ALDH1L2: variants seen among roughly 807,000 people sequenced by gnomAD.
ALDH1L2 encodes the protein mitochondrial 10-formyltetrahydrofolate dehydrogenase.
A neutral mutation model predicts 111.0 loss-of-function variants in ALDH1L2; 91 were observed. That is an observed-to-expected ratio of 0.82 (90% CI 0.69 to 0.98). The LOEUF (loss-of-function observed/expected upper bound fraction) is 0.98. Ranked by LOEUF, ALDH1L2 falls within the 50% of genes least tolerant of loss-of-function variation. The pLI, the probability that ALDH1L2 is intolerant of heterozygous loss-of-function variation, is 0.00. For synonymous variants in ALDH1L2, 374 were observed against 392.6 expected (o/e 0.95, Z 0.56); for missense variants, 995 against 1,126.8 (o/e 0.88, Z 1.67).
chr12:105,077,803 G>T (rs1009499975), intron 1 of ALDH1L2, among the ~76,000 whole-genome samples: 4 of 150,582 alleles, frequency 2.7e-5, no homozygotes, highest in Non-Finnish European at 5.9e-5. Flanking sequence ...ACAGTGCGAA[G>T]AGTCTGCCCT....
chr12:105,045,821 A>G (rs1234821711), intron 15 of ALDH1L2, among the ~76,000 whole-genome samples: 1 of 89,282 alleles, frequency 1.1e-5, no homozygotes, highest in Admixed American at 1.1e-4. Flanking sequence ...GTAACAAATT[A>G]TAAACTTCTA....
Position 105,032,546 on chromosome 12 carries a change from C to T in ALDH1L2, c.2245-612G>A, listed in dbSNP as rs151122188. ...GAGCCACCGCGCCCAGCTGCAACCT[C>T]GAACTTCTAAGCTCAAGTGATCCTC... On this transcript the variant is annotated intron_variant, in intron 19 of 22. Transcript: ENST00000258494. Among the ~76,000 whole-genome samples, 174 of 152,182 alleles carry T rather than the reference C, an allele frequency of 1.1e-3. 1 individual carries two copies. The highest frequency in any genetic ancestry group is 7.7e-3 in the East Asian group (40 of 5,164).
intron 10 of ALDH1L2, among the ~76,000 whole-genome samples, chr12:105,053,598 T>C (rs1408872003): frequency 1.3e-5 from 2 of 152,196 alleles, no homozygotes; most frequent in African/African-American, 4.8e-5. Flanking sequence ...AGAGAGGAAT[T>C]GTCAGTGCTT....
rs532409704 is a variant in ALDH1L2 at position 105,070,741 on chromosome 12, T to G, written c.257A>C (p.Lys86Thr). ...FKLPKWRVKGKTIKEVAEAYR... is the reference protein window; with the variant it reads ...FKLPKWRVKGTTIKEVAEAYR... ...GGCTTCTGCCACTTCTTTGATGGTC[T>G]TGCCCTTGACCCTCCATTTAGGAAG... Residue 86 changes from lysine (K) to threonine (T), a missense_variant, in exon 3 of 23, where the codon AAG becomes ACG. Physicochemically the swap from Lys to Thr is moderately conservative, Grantham distance 78 (BLOSUM62 -1). Transcript: ENST00000258494. 3.1e-6 allele frequency: 5 copies of G among 1,614,208 alleles called. No individual in the cohort carries two copies. Among genetic ancestry groups the G allele is most frequent in the Non-Finnish European group, 4.2e-6 (5 of 1,180,034 alleles).
intron 18 of ALDH1L2, among the ~76,000 whole-genome samples, chr12:105,034,963 G>A (rs1405099850): frequency 5.3e-5 from 8 of 150,546 alleles, no homozygotes; most frequent in East Asian, 3.9e-4. Flanking sequence ...CAGCCTGGGC[G>A]ACAGAGCTAG....
chr12:105,063,407 C>A (rs1009308262), intron 6 of ALDH1L2, among the ~76,000 whole-genome samples: 23 of 151,280 alleles, frequency 1.5e-4, no homozygotes, highest in African/African-American at 5.3e-4. Flanking sequence ...ACCCGGGAGG[C>A]GGAGCTTGCA....
chr12:105,051,067 A>G (rs553101356), intron 12 of ALDH1L2, among the ~76,000 whole-genome samples: 1 of 152,296 alleles, frequency 6.6e-6, no homozygotes, highest in South Asian at 2.1e-4. Flanking sequence ...CTGATTTATA[A>G]TATTCTTCCC....
intron 12 of ALDH1L2, chr12:105,050,844 C>T: frequency 3.9e-6 from 1 of 257,972 alleles, no homozygotes; most frequent in Non-Finnish European, 7.9e-6. Context: ...ACAGGAAAGA[C>T]TTGCCCCCAT....
chr12:105,042,010 C>A (rs938991995), intron 15 of ALDH1L2, among the ~76,000 whole-genome samples: 1 of 152,148 alleles, frequency 6.6e-6, no homozygotes, highest in South Asian at 2.1e-4. Context: ...GATATCTGGA[C>A]ATTATTGAGG....
At chr12:105,064,361 G>A (rs977797339) in intron 6 of ALDH1L2, among the ~76,000 whole-genome samples, 1 of 151,780 alleles carries the variant, frequency 6.6e-6, no homozygotes, top group Non-Finnish European at 1.5e-5. Flanking sequence ...GGAAACCAAG[G>A]CACCCAGTGG....
At chr12:105,040,534 G>C (rs1485322379) in intron 16 of ALDH1L2, 73 bp downstream of exon 16, 11 of 1,318,052 alleles carry the variant, frequency 8.3e-6, no homozygotes, top group African/African-American at 1.4e-5. Flanking sequence ...CAAGTCTCTA[G>C]AGGTAAAAGA....
At chr12:105,044,615 T>G in intron 15 of ALDH1L2, among the ~76,000 whole-genome samples, 1 of 78,242 alleles carries the variant, frequency 1.3e-5, no homozygotes, top group African/African-American at 4.3e-5. Flanking sequence ...TACTCTTGTA[T>G]AATGCTGGTG....
chr12:105,040,144 A>C (rs1592773231), intron 16 of ALDH1L2, among the ~76,000 whole-genome samples: 1 of 151,624 alleles, frequency 6.6e-6, no homozygotes, highest in Admixed American at 6.6e-5. Context: ...AAAAAAAAAA[A>C]AAAAAAAACC....
intron 10 of ALDH1L2, 142 bp from the exon 11 acceptor site, chr12:105,053,073 G>A (rs1356097588): frequency 3.8e-6 from 4 of 1,045,618 alleles, no homozygotes; most frequent in Non-Finnish European, 5.5e-6. Flanking sequence ...ACATGCATAT[G>A]TGAGATTTGG....
intron 7 of ALDH1L2, among the ~76,000 whole-genome samples, chr12:105,062,221 T>C (rs1371972340): frequency 6.6e-6 from 1 of 152,252 alleles, no homozygotes; most frequent in Non-Finnish European, 1.5e-5. Context: ...TGGAGGCGGA[T>C]GCCATTATTA....
At chr12:105,036,511 A>T (rs4964312) in intron 18 of ALDH1L2, among the ~76,000 whole-genome samples, 589 of 46,432 alleles carry the variant, frequency 0.013, 124 homozygotes, top group South Asian at 0.039. Context: ...GTATATATAT[A>T]TTTTATATAT....
chr12:105,073,227 GTAACT>G (rs1158206347), intron 2 of ALDH1L2, among the ~76,000 whole-genome samples: 4 of 152,212 alleles, frequency 2.6e-5, no homozygotes, highest in Non-Finnish European at 5.9e-5. Context: ...GTAAGATTAA[GTAACT>G]TGCCCAAGGT....
intron 10 of ALDH1L2, among the ~76,000 whole-genome samples, chr12:105,055,806 A>G (rs939022927): frequency 6.6e-6 from 1 of 152,116 alleles, no homozygotes; most frequent in Non-Finnish European, 1.5e-5. Context: ...AAATTAAAAA[A>G]TCACTGGAGG....
intron 21 of ALDH1L2, among the ~76,000 whole-genome samples, chr12:105,029,144 T>C (rs7975396): frequency 0.55 from 83,256 of 151,454 alleles, 23,408 homozygotes; most frequent in East Asian, 0.81. Flanking sequence ...CCTCCCACCT[T>C]AGCCTCCGAA....
Sources: gnomAD v4.1 joint callset for allele counts (sites outside exome capture counted in the v4.1 genomes callset) on GRCh38, gnomAD v4.1.1 for gene constraint, MANE v1.5 for transcripts, NCBI Gene and HGNC (gene_info 2026-07-23, HGNC 2026-07-21) for gene names.